The following UMOD variants were observed in gnomAD, a reference collection of about 807,000 sequenced individuals.
UMOD encodes the protein Tamm-Horsfall urinary glycoprotein.
UMOD carries 64 observed loss-of-function variants against 66.0 expected under a neutral mutation model. The observed-to-expected ratio is 0.97, with a 90% confidence interval of 0.79 to 1.19. The LOEUF is 1.19. UMOD is among the 50% of genes most tolerant of loss of function. The pLI, the probability that UMOD is intolerant of heterozygous loss-of-function variation, is 0.00. For synonymous variants in UMOD, 398 were observed against 352.7 expected (o/e 1.13, Z -1.44); for missense variants, 764 against 850.9 (o/e 0.90, Z 1.27).
At chr16:20,349,254 G>T (rs1300384700) in intron 2 of UMOD, 42 bp from the exon 3 acceptor site, 18 of 1,597,622 alleles carry the variant, frequency 1.1e-5, no homozygotes, top group Non-Finnish European at 1.4e-5. Flanking sequence ...GGGCAGCTGG[G>T]CCCATGGCCA....
intron 10 of UMOD, among the ~76,000 whole-genome samples, chr16:20,334,972 C>T (rs745786380): frequency 2.0e-5 from 3 of 151,510 alleles, no homozygotes; most frequent in Non-Finnish European, 2.9e-5. Context: ...AGCTGGGAGG[C>T]GCGCGCCACC....
chr16:20,343,981 G>T (rs745818135), intron 6 of UMOD, 43 bp downstream of exon 6: 30 of 1,611,494 alleles, frequency 1.9e-5, no homozygotes, highest in Middle Eastern at 2.1e-4. Context: ...GGGGTTTGGG[G>T]TTAGAACCAT....
chr16:20,348,452 G>C lies in UMOD; in HGVS notation c.849C>G (p.His283Gln), dbSNP rs1303000238. The C allele has an allele frequency of 2.1e-5, 34 of 1,613,678 alleles. No individual in the cohort carries two copies. The highest frequency in any genetic ancestry group is 2.8e-5 in the Non-Finnish European group (33 of 1,179,960). Reference sequence around the variant, plus strand: ...CCGGCTGACCTGTGCAGTACGCCAGGTGACACTCGGGGGGCGCTGTCAGGT... The same window carrying C: ...CCGGCTGACCTGTGCAGTACGCCAGCTGACACTCGGGGGGCGCTGTCAGGT... ...VYNLTAPPECHLAYCTDPSSV... is the reference protein window; with the variant it reads ...VYNLTAPPECQLAYCTDPSSV... Residue 283 changes from histidine to glutamine, a missense_variant, in exon 3 of 11, where the codon CAC becomes CAG. Coordinates refer to ENST00000396138, the MANE Select transcript of UMOD (RefSeq NM_003361.4).
At chr16:20,355,059 C>A (rs1268822060), upstream of UMOD, among the ~76,000 whole-genome samples, 1 of 152,158 alleles carries the variant, frequency 6.6e-6, no homozygotes, top group Non-Finnish European at 1.5e-5. Context: ...TTCCTTCCTG[C>A]AGAAACTACA....
intron 1 of UMOD, 64 bp downstream of exon 1, chr16:20,352,625 C>T: frequency 1.7e-6 from 2 of 1,198,604 alleles, no homozygotes; most frequent in Non-Finnish European, 2.1e-6. Flanking sequence ...ATTTCCTCTC[C>T]TACCTCCCTC....
intron 5 of UMOD, 149 bp from the exon 6 acceptor site, chr16:20,344,321 G>A: frequency 1.2e-6 from 1 of 805,618 alleles, no homozygotes; most frequent in South Asian, 1.7e-5. Context: ...AGCTGCCTGT[G>A]GCCGGGCGCA....
intron 4 of UMOD, 101 bp downstream of exon 4, chr16:20,348,122 C>T: frequency 9.7e-7 from 1 of 1,036,246 alleles, no homozygotes; most frequent in Non-Finnish European, 1.5e-6. Flanking sequence ...ATATCCCCTG[C>T]GTCATACCCA....
chr16:20,344,195 A>C (rs751441193), intron 5 of UMOD, 23 bp from the exon 6 acceptor site: 153 of 563,666 alleles, frequency 2.7e-4, no homozygotes, highest in Non-Finnish European at 3.5e-4. Flanking sequence ...ATGGGGGTGG[A>C]GGGGGGGTGG....
At chr16:20,340,987 C>CT in intron 7 of UMOD, 104 bp downstream of exon 7, 1 of 1,246,694 alleles carries the variant, frequency 8.0e-7, no homozygotes, top group East Asian at 2.6e-5. Context: ...GAGCAAGACT[C>CT]TGTCAAAAAA....
chr16:20,333,701 C>G (rs1567297840), intron 10 of UMOD, among the ~76,000 whole-genome samples: 1 of 152,140 alleles, frequency 6.6e-6, no homozygotes, highest in East Asian at 1.9e-4. Context: ...GACTCTCCAT[C>G]TCTGAGCTCA....
At chr16:20,344,463 C>T (rs1340497954) in intron 5 of UMOD, among the ~76,000 whole-genome samples, 2 of 151,908 alleles carry the variant, frequency 1.3e-5, no homozygotes, top group African/African-American at 4.8e-5. Flanking sequence ...AGTAGCCGGG[C>T]GTGGTGGTGG....
chr16:20,349,846 T>C, intron 2 of UMOD: 5 of 1,549,392 alleles, frequency 3.2e-6, no homozygotes, highest in Non-Finnish European at 4.4e-6. Context: ...CAACTCCACC[T>C]GGCTGGGCAG....
chr16:20,333,492 C>G (rs922609209), intron 10 of UMOD, 117 bp from the exon 11 acceptor site: 5 of 972,954 alleles, frequency 5.1e-6, no homozygotes, highest in Non-Finnish European at 6.4e-6. Context: ...CTGGGCTGCT[C>G]TCCTAGAAAA....
Position 20,348,273 on chromosome 16 carries a change from G to A in UMOD, c.923C>T (p.Ser308Leu), listed in dbSNP as rs146566855. 11 of 1,614,050 alleles carry A rather than the reference G, an allele frequency of 6.8e-6. No homozygotes were observed. Among genetic ancestry groups the A allele is most frequent in the East Asian group, 2.2e-5 (1 of 44,890 alleles). Reference protein sequence around the residue: ...EECSIDEDCKSNNGRWHCQCK... With the variant: ...EECSIDEDCKLNNGRWHCQCK... ...CTGGCAGTGCCATCTGCCATTATTC[G>A]ATTTGCAGTCCTCGTCTATACTGCA... The change falls in exon 4 of 11, where the codon TCG (serine) becomes TTG (leucine). Residue 308 changes from serine to leucine, a missense_variant. Coordinates refer to ENST00000396138, the MANE Select transcript of UMOD (RefSeq NM_003361.4).
Position 20,344,093 on chromosome 16 carries a change from A to G in UMOD, c.1262T>C (p.Ile421Thr), listed in dbSNP as rs1417144283. 6.6e-7 allele frequency: 1 copy of G among 1,512,230 alleles called. No individual in the cohort carries two copies. Among genetic ancestry groups the G allele is most frequent in the Non-Finnish European group, 8.9e-7 (1 of 1,117,814 alleles). 93.7% of individuals were successfully genotyped at this position (1,512,230 alleles called of 1,614,324 possible). Residue 421 changes from isoleucine (I) to threonine (T), a missense_variant, in exon 6 of 11, where the codon ATC becomes ACC. Physicochemically the swap from Ile to Thr is moderately conservative, Grantham distance 89 (BLOSUM62 -1). Transcript: ENST00000396138. ...CAGGGGGTAGGAGCATGCAAAGTTG[A>G]TTTTGATGTTGAGGTCACGGATGAT... ...EIIIRDLNIK[I>T]NFACSYPLDM... is the part of the protein sequence containing the mutation.
chr16:20,335,375 G>T, intron 10 of UMOD, 107 bp downstream of exon 10: 2 of 1,206,238 alleles, frequency 1.7e-6, no homozygotes, highest in Admixed American at 3.7e-5. Flanking sequence ...AACGGAACTA[G>T]TAACACCTCC....
rs1289573805 is a variant in UMOD at position 20,348,963 on chromosome 16, G to A, written c.338C>T (p.Ala113Val). 1 of 1,573,318 alleles carries A rather than the reference G, an allele frequency of 6.4e-7. No individual in the cohort carries two copies. Among genetic ancestry groups the A allele is most frequent in the Non-Finnish European group, 8.6e-7 (1 of 1,159,576 alleles). The change falls in exon 3 of 11, where the codon GCT (alanine) becomes GTT (valine). Residue 113 changes from alanine to valine, a missense_variant. Coordinates refer to ENST00000396138, the MANE Select transcript of UMOD (RefSeq NM_003361.4). ...GTGGCAGTGGCTAAGCCCAGGCTCA[G>A]CGCACTCATCCACGTCTGTGCAGCC... is the stretch of plus-strand genomic sequence containing the variant. ...GLGCTDVDEC[A>V]EPGLSHCHAL...
In UMOD at chr16:20,335,823, C is replaced by T. The variant is rs892450537; in HGVS notation, c.1823-303G>A. Among the ~76,000 whole-genome samples the T allele has an allele frequency of 6.6e-5, 10 of 152,256 alleles. No individual in the cohort carries two copies. The East Asian group carries it at 7.7e-4, about 12-fold the overall frequency. On this transcript the variant is annotated intron_variant, in intron 9 of 10. Transcript: ENST00000396138. ...GGCCAGGCTCCCTCCTGCCACAGGC[C>T]CTTTGCCCAAGCTGTACTCTTGAAA... is the stretch of plus-strand genomic sequence containing the variant.
intron 2 of UMOD, chr16:20,349,802 C>A: frequency 6.5e-7 from 1 of 1,550,144 alleles, no homozygotes; most frequent in Non-Finnish European, 8.7e-7. Flanking sequence ...CATCAGGACC[C>A]TGCTCAGTGT....
Sources: gnomAD v4.1 joint callset for allele counts (sites outside exome capture counted in the v4.1 genomes callset) on GRCh38, gnomAD v4.1.1 for gene constraint, MANE v1.5 for transcripts, NCBI Gene and HGNC (gene_info 2026-07-23, HGNC 2026-07-21) for gene names.